Variants in FILIP1 observed in about 807,000 individuals in gnomAD.
FILIP1 encodes filamin A interacting protein 1.
In FILIP1, 61 loss-of-function variants were observed where a neutral mutation model predicts 102.1. The ratio of observed to expected loss-of-function variants is 0.60; its 90% CI spans 0.49 to 0.74. The LOEUF is 0.74. Ranked by LOEUF, FILIP1 falls within the 30% of genes least tolerant of loss-of-function variation. The probability of loss-of-function intolerance (pLI) is 0.00; values close to 1 mark genes in which losing one functional copy is unlikely to be tolerated. For synonymous variants in FILIP1, 491 were observed against 526.9 expected, an observed-to-expected ratio of 0.93 and a Z score of 0.93; for missense variants, 1,314 against 1,441.2, an observed-to-expected ratio of 0.91 and a Z score of 1.43.
At chr6:75,452,707 T>C (rs988803771) in intron 1 of FILIP1, among the ~76,000 whole-genome samples, 1 of 152,204 alleles carries the variant, frequency 6.6e-6, no homozygotes, top group African/African-American at 2.4e-5. Flanking sequence ...CTTGTGACTA[T>C]AGTATATAAG....
downstream of FILIP1, among the ~76,000 whole-genome samples, chr6:75,304,692 A>T (rs1284651584): frequency 6.6e-6 from 1 of 152,212 alleles, no homozygotes; most frequent in Non-Finnish European, 1.5e-5. Context: ...GACAAAAGAG[A>T]TCTAAAATCT....
intron 2 of FILIP1, among the ~76,000 whole-genome samples, chr6:75,387,756 G>A (rs887214185): frequency 6.6e-6 from 1 of 152,068 alleles, no homozygotes; most frequent in African/African-American, 2.4e-5. Flanking sequence ...ATTTGTTTAA[G>A]TTCCTTGGAT....
At chr6:75,478,341 C>T (rs896890589) in intron 1 of FILIP1, among the ~76,000 whole-genome samples, 2 of 152,198 alleles carry the variant, frequency 1.3e-5, no homozygotes, top group Non-Finnish European at 2.9e-5. Context: ...TTGCTCTTCC[C>T]TACCCATTCA....
chr6:75,304,625 A>T (rs1772930283), downstream of FILIP1, among the ~76,000 whole-genome samples: 1 of 152,212 alleles, frequency 6.6e-6, no homozygotes, highest in East Asian at 1.9e-4. Context: ...GAGAAAAAGG[A>T]AAGAGAAGGG....
intron 1 of FILIP1, chr6:75,473,715 A>C (rs1174428459): frequency 6.6e-6 from 1 of 152,182 alleles, no homozygotes; most frequent in African/African-American, 2.4e-5. Flanking sequence ...AATCTCTACC[A>C]AATCTATATG....
At chr6:75,437,822 T>C (rs941520796) in intron 1 of FILIP1, among the ~76,000 whole-genome samples, 9 of 152,236 alleles carry the variant, frequency 5.9e-5, no homozygotes, top group African/African-American at 1.9e-4. Flanking sequence ...AATTAGCTGG[T>C]AACTAGGCAT....
At chr6:75,307,358 A>G (rs1229410062), downstream of FILIP1, among the ~76,000 whole-genome samples, 1 of 152,212 alleles carries the variant, frequency 6.6e-6, no homozygotes, top group Non-Finnish European at 1.5e-5. Flanking sequence ...CTTTTTCCCA[A>G]ATATCAAGAA....
chr6:75,384,493 A>C (rs1043060084), intron 2 of FILIP1, among the ~76,000 whole-genome samples: 12 of 152,182 alleles, frequency 7.9e-5, no homozygotes, highest in African/African-American at 2.9e-4. Flanking sequence ...AGCTATGTGC[A>C]AAGTATGTGG....
chr6:75,326,108 TAGAG>T (rs1428915098), intron 4 of FILIP1, among the ~76,000 whole-genome samples: 1 of 149,994 alleles, frequency 6.7e-6, no homozygotes, highest in African/African-American at 2.5e-5. Flanking sequence ...GATAGATAGA[TAGAG>T]AGATAGATAG....
At chr6:75,346,393 G>A (rs1189542657) in intron 4 of FILIP1, among the ~76,000 whole-genome samples, 2 of 152,130 alleles carry the variant, frequency 1.3e-5, no homozygotes, top group Non-Finnish European at 2.9e-5. Context: ...TTAACTTTGA[G>A]AATGAGAGTG....
chr6:75,407,972 C>T (rs529113398), intron 2 of FILIP1, among the ~76,000 whole-genome samples: 1 of 152,242 alleles, frequency 6.6e-6, no homozygotes, highest in East Asian at 1.9e-4. Context: ...TTTCAAACTT[C>T]TGTCATTTTT....
At chr6:75,301,180 G>T (rs758082862) in intron 6 of FILIP1, among the ~76,000 whole-genome samples, 62 of 152,152 alleles carry the variant, frequency 4.1e-4, no homozygotes, top group Non-Finnish European at 1.2e-4. Context: ...CTTTTTAAAT[G>T]AGGACAACAA....
At chr6:75,369,411 T>C (rs1272977244) in intron 2 of FILIP1, among the ~76,000 whole-genome samples, 2 of 152,232 alleles carry the variant, frequency 1.3e-5, no homozygotes, top group Non-Finnish European at 2.9e-5. Flanking sequence ...TTCCATAATA[T>C]TCCTGTGTCT....
chr6:75,443,125 G>A (rs1778328865), intron 1 of FILIP1, among the ~76,000 whole-genome samples: 1 of 152,124 alleles, frequency 6.6e-6, no homozygotes, highest in Non-Finnish European at 1.5e-5. Context: ...AAAATTTGTA[G>A]TTAGAATTCA....
intron 1 of FILIP1, among the ~76,000 whole-genome samples, chr6:75,460,947 GTTCT>G (rs1179524982): frequency 6.6e-6 from 1 of 152,142 alleles, no homozygotes; most frequent in African/African-American, 2.4e-5. Flanking sequence ...AAAACGTTTA[GTTCT>G]TTCAAATTTT....
Position 75,465,474 on chromosome 6 carries a change from T to C in FILIP1, c.-7+27940A>G, listed in dbSNP as rs749146979. On this transcript the variant is annotated intron_variant, in intron 1 of 5. Coordinates refer to ENST00000237172, the MANE Select transcript of FILIP1 (RefSeq NM_015687.5). Reference sequence around the variant, plus strand: ...TGCTAGCAAAATGGCAGAATTCATATAGCATCAAAGTTGTCCTGCAAGAGC... The same window carrying C: ...TGCTAGCAAAATGGCAGAATTCATACAGCATCAAAGTTGTCCTGCAAGAGC... 661 of 969,364 alleles carry C rather than the reference T, an allele frequency of 6.8e-4. 3 individuals carry two copies. The highest frequency in any genetic ancestry group is 1.9e-4 in the Admixed American group (10 of 52,904). 60.0% of individuals were successfully genotyped at this position (969,364 alleles called of 1,614,324 possible).
intron 2 of FILIP1, among the ~76,000 whole-genome samples, chr6:75,405,697 G>A (rs1776821998): frequency 1.3e-5 from 2 of 152,204 alleles, no homozygotes; most frequent in East Asian, 1.9e-4. Context: ...CTGCTGTGTC[G>A]TTCCCCTATT....
chr6:75,421,737 G>A (rs1422565901), intron 1 of FILIP1, among the ~76,000 whole-genome samples: 1 of 152,052 alleles, frequency 6.6e-6, no homozygotes, highest in Non-Finnish European at 1.5e-5. Flanking sequence ...TATTAATCTT[G>A]TTGACTCATC....
intron 1 of FILIP1, among the ~76,000 whole-genome samples, chr6:75,438,913 G>A (rs1447434482): frequency 4.0e-5 from 6 of 151,454 alleles, no homozygotes; most frequent in African/African-American, 1.5e-4. Context: ...TGACTAAAAG[G>A]TTAAGAAACT....
Sources: gnomAD v4.1 joint callset for allele counts (sites outside exome capture counted in the v4.1 genomes callset) on GRCh38, gnomAD v4.1.1 for gene constraint, MANE v1.5 for transcripts, NCBI Gene and HGNC (gene_info 2026-07-23, HGNC 2026-07-21) for gene names.